Variants in DCST2 observed in about 807,000 individuals in gnomAD.
DCST2 encodes the protein DC-STAMP domain containing 2, also known as DC-STAMP domain-containing protein 2.
Under a neutral mutation model 81.8 loss-of-function variants are expected in DCST2, and 64 were observed. That is an observed-to-expected ratio of 0.78 (90% confidence interval 0.64 to 0.96). The LOEUF (loss-of-function observed/expected upper bound fraction) is 0.96. Among genes scored for constraint, DCST2 ranks in the 40% least tolerant of loss-of-function variants. The probability of loss-of-function intolerance (pLI) is 0.00; values close to 1 mark genes in which losing one functional copy is unlikely to be tolerated. For missense variants in DCST2, 945 were observed against 1,001.4 expected, an observed-to-expected ratio of 0.94 and a Z score of 0.76; for synonymous variants, 354 against 402.6, an observed-to-expected ratio of 0.88 and a Z score of 1.44.
chr1:155,018,910 C>T lies in DCST2; in HGVS notation c.2106-150G>A. ...TCTCAGGCCCACGAGGCGTACCAGC[C>T]CATGGCTGTAGATATTTTCTGATTT... On this transcript the variant is annotated intron_variant, in intron 14 of 14. Transcript: ENST00000368424. The T allele has an allele frequency of 3.9e-6, 3 of 766,726 alleles. No individual in the cohort carries two copies. In the South Asian group the frequency reaches 5.5e-5, roughly 14 times the overall value. The allele number at this position is 766,726 out of a possible 1,614,324, so 47.5% of individuals were successfully genotyped here. A position where few individuals can be genotyped will look rare whatever the true frequency, so the allele number is the denominator to read the frequency against.
At chr1:155,026,774 C>T in intron 8 of DCST2, 59 bp from the exon 9 acceptor site, 2 of 1,599,064 alleles carry the variant, frequency 1.3e-6, no homozygotes, top group Non-Finnish European at 1.7e-6. Flanking sequence ...GAAAACCCCA[C>T]ACCTTCTGGA....
rs764181998 is a variant in DCST2, at chr1:155,023,434, G to A, written c.1894C>T (p.Arg632Cys). 1.9e-5 allele frequency: 31 copies of A among 1,601,010 alleles called. No homozygotes were observed. The highest frequency in any genetic ancestry group is 5.2e-5 in the Admixed American group (3 of 57,872). Residue 632 changes from arginine to cysteine, a missense_variant, in exon 13 of 15, where the codon CGC becomes TGC. By Grantham distance (180) the Arg-to-Cys change is radical. Transcript: ENST00000368424. Reference sequence around the variant, plus strand: ...ACGGAGCAGGTATTGTCCAGGAGGCGGAAGCAAGTGAGGCAGTAGAGACCT... The same window carrying A: ...ACGGAGCAGGTATTGTCCAGGAGGCAGAAGCAAGTGAGGCAGTAGAGACCT... Reference protein sequence around the residue: ...CQGLYCLTCFRLLDNTCSVCA... With the variant: ...CQGLYCLTCFCLLDNTCSVCA...
chr1:155,030,405 C>T (rs768601965), intron 6 of DCST2, 27 bp downstream of exon 6: 87 of 1,609,220 alleles, frequency 5.4e-5, no homozygotes, highest in Non-Finnish European at 7.3e-5. Flanking sequence ...GGCCCTGCAT[C>T]CCCCACGCTG....
At chr1:155,033,003 G>T in intron 2 of DCST2, 91 bp downstream of exon 2, 1 of 1,377,386 alleles carries the variant, frequency 7.3e-7, no homozygotes, top group Non-Finnish European at 9.7e-7. Context: ...ATTAGCACCA[G>T]CAGAGAAGGA....
At chr1:155,026,177 T>C (rs1177318930) in intron 10 of DCST2, 125 bp downstream of exon 10, 16 of 852,834 alleles carry the variant, frequency 1.9e-5, no homozygotes, top group Non-Finnish European at 3.6e-6. Context: ...TGCTTTGGAG[T>C]TCAACCAGAG....
rs1267541360 is a variant in DCST2, at chr1:155,026,548, C to T, written c.1510G>A (p.Gly504Ser). The change falls in exon 9 of 15, where the codon GGC (glycine) becomes AGC (serine). Residue 504 changes from glycine to serine, a missense_variant and splice_region_variant. Coordinates refer to ENST00000368424, the MANE Select transcript of DCST2 (RefSeq NM_144622.3). ...AGGGACCTCAGGGTGTAGTTGATAC[C>T]AATGACTATGTAGCCAGTGCTGTCA... ...EPDSTGYIVI[G>S]VMYGLCFFIT... The T allele has an allele frequency of 6.2e-7, 1 of 1,614,134 alleles. No homozygotes were observed. The highest frequency in any genetic ancestry group is 8.5e-7 in the Non-Finnish European group (1 of 1,180,020).
intron 10 of DCST2, among the ~76,000 whole-genome samples, chr1:155,025,369 G>A (rs1340964595): frequency 6.6e-6 from 1 of 151,786 alleles, no homozygotes; most frequent in African/African-American, 2.4e-5. Context: ...TTGCTCTATC[G>A]CCAGGCTGGA....
At position 155,030,641 on chromosome 1, in the gene DCST2, C is replaced by T; in HGVS notation, c.810G>A (p.Val270=). 1 of 1,614,000 alleles carries T rather than the reference C, an allele frequency of 6.2e-7. No homozygotes were observed. Among genetic ancestry groups the T allele is most frequent in the African/African-American group, 1.3e-5 (1 of 75,026 alleles). ...PFLRQTIGTP[V]IQLLNRVRQE... is the part of the protein sequence containing the mutation. ...GACGCACCCGGTTGAGCAACTGAAT[C>T]ACGGCTGGGGCCAGCAGGTTCAGGG... Residue 270 remains valine, a synonymous_variant, in exon 6 of 15, where the codon GTG becomes GTA. Coordinates refer to ENST00000368424, the MANE Select transcript of DCST2 (RefSeq NM_144622.3).
chr1:155,029,762 G>A (rs1245387631), intron 7 of DCST2, among the ~76,000 whole-genome samples: 1 of 152,130 alleles, frequency 6.6e-6, no homozygotes, highest in Non-Finnish European at 1.5e-5. Flanking sequence ...CTCCCAACTT[G>A]ACTTCCCTCG....
intron 5 of DCST2, 88 bp from the exon 6 acceptor site, chr1:155,030,733 G>T: frequency 6.9e-7 from 1 of 1,444,054 alleles, no homozygotes. Context: ...GCACAGCCCA[G>T]GGGGCGCAGC....
chr1:155,029,186 G>C, intron 8 of DCST2, 47 bp downstream of exon 8: 1 of 1,601,164 alleles, frequency 6.2e-7, no homozygotes, highest in East Asian at 2.2e-5. Flanking sequence ...ACAGGCCGAG[G>C]GGGCTGCAGT....
Position 155,023,942 on chromosome 1 carries a change from G to A in DCST2, c.1760C>T (p.Pro587Leu). 1 of 1,613,224 alleles carries A rather than the reference G, an allele frequency of 6.2e-7. No homozygotes were observed. Among genetic ancestry groups the A allele is most frequent in the Non-Finnish European group, 8.5e-7 (1 of 1,179,836 alleles). Residue 587 changes from proline (P) to leucine (L), a missense_variant, in exon 12 of 15, where the codon CCA becomes CTA. Coordinates refer to ENST00000368424, the MANE Select transcript of DCST2 (RefSeq NM_144622.3). ...VLASRCPCLG[P>L]FVSHFWLHQA... ...ATGCAGCCAAAAGTGGCTGACAAAT[G>A]GACCTAGGCAGGGGCACCTGAGAAA...
chr1:155,029,403 C>G lies in DCST2; in HGVS notation c.1178-6G>C. On this transcript the variant is annotated splice_region_variant and splice_polypyrimidine_tract_variant and intron_variant, in intron 7 of 14. Coordinates refer to ENST00000368424, the MANE Select transcript of DCST2 (RefSeq NM_144622.3). ...TTGGGACAAGAAGATGGAGCCTGAG[C>G]AGGAGTGGGATGGTCAGGAGGATGC... The G allele has an allele frequency of 5.6e-6, 9 of 1,613,168 alleles. No homozygotes were observed. Among genetic ancestry groups the G allele is most frequent in the Non-Finnish European group, 7.6e-6 (9 of 1,179,464 alleles).
In DCST2 at chr1:155,023,480, G is replaced by C. The variant is rs372342235; in HGVS notation, c.1871-23C>G. ...GACCTGGTGGAGGCCATGGGGAATG[G>C]AGGTGAACCCGAGTTCACCCACCCA... On this transcript the variant is annotated intron_variant, in intron 12 of 14. Transcript: ENST00000368424. The C allele has an allele frequency of 8.9e-6, 14 of 1,568,642 alleles. No homozygotes were observed. In the South Asian group the frequency reaches 1.3e-4, roughly 14 times the overall value.
intron 4 of DCST2, 59 bp downstream of exon 4, chr1:155,031,515 T>TTCCCCCCCCCCC: frequency 6.2e-6 from 4 of 643,124 alleles, no homozygotes; most frequent in Non-Finnish European, 8.7e-6. Context: ...ACCCCCACAT[T>TTCCCCCCCCCCC]CCCACCCCAC....
chr1:155,019,500 C>T (rs1659682810), intron 14 of DCST2, among the ~76,000 whole-genome samples: 1 of 152,248 alleles, frequency 6.6e-6, no homozygotes, highest in Non-Finnish European at 1.5e-5. Context: ...TCACTGGATT[C>T]ATTCCAGAGT....
At chr1:155,027,973 G>A (rs186866731) in intron 8 of DCST2, among the ~76,000 whole-genome samples, 2 of 151,692 alleles carry the variant, frequency 1.3e-5, no homozygotes, top group Non-Finnish European at 2.9e-5. Context: ...TGCCCAGGCT[G>A]GAGTGCAGTG....
At position 155,023,890 on chromosome 1, in the gene DCST2, C is replaced by CAGTAGGGGCAGTAGGA; in HGVS notation, c.1811_1812insTCCTACTGCCCCTACT (p.Gln604HisfsTer10). 6.2e-7 allele frequency: 1 copy of CAGTAGGGGCAGTAGGA among 1,613,680 alleles called. No homozygotes were observed. Among genetic ancestry groups the CAGTAGGGGCAGTAGGA allele is most frequent in the Non-Finnish European group, 8.5e-7 (1 of 1,179,908 alleles). ...TCTCCATGTCTCCCTCATCCTGGGG[C>CAGTAGGGGCAGTAGGA]TGCCCACAGCCCAGGCAGTAGGCCT... On this transcript the variant is annotated frameshift_variant, in exon 12 of 15. Transcript: ENST00000368424. LOFTEE classifies it high-confidence loss of function.
At position 155,033,528 on chromosome 1, in the gene DCST2, G is replaced by C. The variant is rs1403466629; in HGVS notation, c.174C>G (p.Gly58=). 6.2e-7 allele frequency: 1 copy of C among 1,614,074 alleles called. No individual in the cohort carries two copies. Among genetic ancestry groups the C allele is most frequent in the African/African-American group, 1.3e-5 (1 of 75,042 alleles). The part of the protein sequence containing the change: ...EGHSPWGCLV[G]TLTLAAFLSL... The stretch of plus-strand genomic sequence containing the variant: ...TAAGGAAGGCAGCCAAAGTGAGGGT[G>C]CCCACCAGGCAACCCCAGGGGCTGT... The change falls in exon 1 of 15, where the codon GGC becomes GGG. Residue 58 remains glycine (G), a synonymous_variant. Transcript: ENST00000368424.
Sources: allele counts gnomAD v4.1 joint callset (sites outside exome capture counted in the v4.1 genomes callset), GRCh38; gene constraint gnomAD v4.1.1; transcripts MANE v1.5; gene names NCBI Gene and HGNC (gene_info 2026-07-23, HGNC 2026-07-21).